CLEC16A: variants seen among roughly 807,000 people sequenced by gnomAD.
The protein encoded by CLEC16A is C-type lectin domain containing 16A.
CLEC16A carries 51 observed loss-of-function variants against 109.5 expected under a neutral mutation model. The observed-to-expected ratio is 0.47, with a 90% CI of 0.37 to 0.59. The LOEUF is 0.59. Ranked by LOEUF, CLEC16A falls within the 20% of genes least tolerant of loss-of-function variation. The pLI, the probability that CLEC16A is intolerant of heterozygous loss-of-function variation, is 0.00. For synonymous variants in CLEC16A, 673 were observed against 564.2 expected (o/e 1.19, Z -2.73); for missense variants, 1,339 against 1,394.0 (o/e 0.96, Z 0.63).
At chr16:11,141,012 A>G (rs1471470312) in intron 22 of CLEC16A, among the ~76,000 whole-genome samples, 2 of 152,208 alleles carry the variant, frequency 1.3e-5, no homozygotes, top group African/African-American at 4.8e-5. Context: ...CATAATGGCC[A>G]CTGCTGTTGA....
intron 22 of CLEC16A, among the ~76,000 whole-genome samples, chr16:11,143,102 G>A (rs7499562): frequency 0.18 from 27,744 of 152,218 alleles, 2,720 homozygotes; most frequent in African/African-American, 0.26. Context: ...ATGACCCACT[G>A]TGCCCGGCCT....
chr16:11,156,640 T>G (rs2054533767), intron 22 of CLEC16A: 1 of 1,304,228 alleles, frequency 7.7e-7, no homozygotes. Context: ...GTGCCTTGGC[T>G]GACAGACTGT....
At chr16:11,094,358 G>T (rs1250867228) in intron 19 of CLEC16A, among the ~76,000 whole-genome samples, 1 of 152,192 alleles carries the variant, frequency 6.6e-6, no homozygotes, top group Non-Finnish European at 1.5e-5. Context: ...CCAGCCCTAA[G>T]GTGTGATTGC....
chr16:11,113,831 C>A (rs1471590448), intron 19 of CLEC16A, among the ~76,000 whole-genome samples: 2 of 152,162 alleles, frequency 1.3e-5, no homozygotes, highest in East Asian at 3.8e-4. Flanking sequence ...GTTAGGCTTT[C>A]CCTTCTTGCT....
chr16:10,948,055 A>G (rs376101128), intron 1 of CLEC16A, among the ~76,000 whole-genome samples: 1,828 of 152,000 alleles, frequency 0.012, 24 homozygotes, highest in African/African-American at 0.039. Context: ...CACCACGCCC[A>G]GCTAATTTTT....
Position 10,961,968 on chromosome 16 carries a change from CT to C in CLEC16A, c.210-473del, listed in dbSNP as rs5815604. 0.32 allele frequency among the ~76,000 whole-genome samples: 42,797 copies of C among 135,100 alleles called. 7,663 individuals are homozygous for C. The highest frequency in any genetic ancestry group is 0.56 in the East Asian group (2,596 of 4,636). 88.6% of individuals were successfully genotyped at this position (135,100 alleles called of 152,430 possible). A position where few individuals can be genotyped will look rare whatever the true frequency, so the allele number is the denominator to read the frequency against. On this transcript the variant is annotated intron_variant, in intron 2 of 23. Transcript: ENST00000409790. This position sits in a 1 kb window ranked among gnomAD's most constrained non-coding sequence, Gnocchi z 4.3. ...TTGGGAACTTTTTTTTCTTTTTTTT[CT>C]TTTTTTTTTTTTTGGCTCTGTCACC...
intron 19 of CLEC16A, among the ~76,000 whole-genome samples, chr16:11,113,656 C>G (rs914985781): frequency 6.6e-6 from 1 of 152,030 alleles, no homozygotes; most frequent in Non-Finnish European, 1.5e-5. Flanking sequence ...GAGACCCTGT[C>G]TCAAAGAAAA....
chr16:11,161,530 A>ACTC (rs144961871), intron 22 of CLEC16A, among the ~76,000 whole-genome samples: 1,944 of 151,866 alleles, frequency 0.013, 45 homozygotes, highest in African/African-American at 0.045. Flanking sequence ...CCACATCCCC[A>ACTC]CTCCTATGCA....
rs552602759 is a variant in CLEC16A, at chr16:10,993,979, A to G, written c.1072-9095A>G. 7.2e-5 allele frequency among the ~76,000 whole-genome samples: 11 copies of G among 152,326 alleles called. No homozygotes were observed. In the East Asian group the frequency reaches 1.9e-3, roughly 27 times the overall value. On this transcript the variant is annotated intron_variant, in intron 10 of 23. Coordinates refer to ENST00000409790, the MANE Select transcript of CLEC16A (RefSeq NM_015226.3). Reference sequence around the variant, plus strand: ...GTGACACGCCAGAGGTCACTTTCCAAGAGGAAATTGCAGCACCATCTTGAC... The same window carrying G: ...GTGACACGCCAGAGGTCACTTTCCAGGAGGAAATTGCAGCACCATCTTGAC...
chr16:10,955,165 C>G lies in CLEC16A; in HGVS notation c.81-2617C>G, dbSNP rs151035087. Among the ~76,000 whole-genome samples the G allele has an allele frequency of 4.2e-3, 647 of 152,352 alleles. 4 individuals carry two copies. The highest frequency in any genetic ancestry group is 0.014 in the African/African-American group (596 of 41,586). ...CAAGTCTGTCTGCCAGACTCCGAAGCCTGACCTCTTCACCAGAGCTCTGTG... is the reference window on the plus strand; with the variant it reads ...CAAGTCTGTCTGCCAGACTCCGAAGGCTGACCTCTTCACCAGAGCTCTGTG... On this transcript the variant is annotated intron_variant, in intron 1 of 23. Coordinates refer to ENST00000409790, the MANE Select transcript of CLEC16A (RefSeq NM_015226.3).
At chr16:11,034,436 C>G (rs1477024652) in intron 13 of CLEC16A, among the ~76,000 whole-genome samples, 9 of 152,176 alleles carry the variant, frequency 5.9e-5, no homozygotes, top group Non-Finnish European at 1.3e-4. Flanking sequence ...CCTCTCTACC[C>G]TAAATGGGGG....
At chr16:11,092,326 A>T (rs1300599306) in intron 19 of CLEC16A, among the ~76,000 whole-genome samples, 1 of 151,078 alleles carries the variant, frequency 6.6e-6, no homozygotes, top group Non-Finnish European at 1.5e-5. Context: ...TCTGGGCGAT[A>T]GAGTAAGACC....
At chr16:11,087,555 T>A (rs1228541963) in intron 19 of CLEC16A, among the ~76,000 whole-genome samples, 1 of 152,256 alleles carries the variant, frequency 6.6e-6, no homozygotes, top group African/African-American at 2.4e-5. Flanking sequence ...AAGGCTGGGT[T>A]AAGCCCTGTG....
intron 16 of CLEC16A, among the ~76,000 whole-genome samples, chr16:11,044,956 T>C (rs979136946): frequency 4.0e-5 from 6 of 150,398 alleles, no homozygotes; most frequent in Non-Finnish European, 7.4e-5. Context: ...CTAATTGCCG[T>C]GGTTTTGTTT....
At chr16:11,065,375 T>C (rs1026044783) in intron 19 of CLEC16A, among the ~76,000 whole-genome samples, 3 of 152,252 alleles carry the variant, frequency 2.0e-5, no homozygotes, top group African/African-American at 7.2e-5. Flanking sequence ...GTTGCAGCCA[T>C]AGCATGTGCT....
chr16:11,010,861 T>C (rs1248772134), intron 11 of CLEC16A, among the ~76,000 whole-genome samples: 1 of 152,226 alleles, frequency 6.6e-6, no homozygotes, highest in Non-Finnish European at 1.5e-5. Context: ...TTTTGAGGAA[T>C]ACAGAACCTC....
intron 22 of CLEC16A, among the ~76,000 whole-genome samples, chr16:11,128,875 T>G (rs1445398545): frequency 1.3e-5 from 2 of 152,164 alleles, no homozygotes; most frequent in Admixed American, 1.3e-4. Flanking sequence ...AACAGAAGCC[T>G]TCTCAGGATC....
chr16:11,137,402 C>A (rs1469162705), intron 22 of CLEC16A, among the ~76,000 whole-genome samples: 2 of 151,918 alleles, frequency 1.3e-5, no homozygotes, highest in Non-Finnish European at 2.9e-5. Context: ...CAAAGACAAT[C>A]CCCTGGAACA....
chr16:11,129,456 T>C (rs571820059), intron 22 of CLEC16A, among the ~76,000 whole-genome samples: 1 of 152,350 alleles, frequency 6.6e-6, no homozygotes, highest in South Asian at 2.1e-4. Context: ...TCTGTTGTGA[T>C]AGCATGCATT....
Sources: allele counts gnomAD v4.1 joint callset (sites outside exome capture counted in the v4.1 genomes callset), GRCh38; gene constraint gnomAD v4.1.1; non-coding constraint Gnocchi (gnomAD v3.1); transcripts MANE v1.5; gene names NCBI Gene and HGNC (gene_info 2026-07-23, HGNC 2026-07-21).